Variants in MRPL1 observed in about 807,000 individuals in gnomAD.
MRPL1 encodes the protein large ribosomal subunit protein uL1m.
In MRPL1, 28 loss-of-function variants were observed where a neutral mutation model predicts 38.0. That is an observed-to-expected ratio of 0.74 (90% CI 0.55 to 1.01). The LOEUF is 1.01. Ranked by LOEUF, MRPL1 falls within the 50% of genes least tolerant of loss-of-function variation. MRPL1 has a pLI of 0.00. For missense variants in MRPL1, 358 were observed against 389.8 expected (o/e 0.92, Z 0.69); for synonymous variants, 123 against 126.7 (o/e 0.97, Z 0.20).
Position 77,868,012 on chromosome 4 carries a change from C to G in MRPL1, c.32-3732C>G, listed in dbSNP as rs185561237. On this transcript the variant is annotated intron_variant, in intron 1 of 8. Coordinates refer to ENST00000315567, the MANE Select transcript of MRPL1 (RefSeq NM_020236.4). ...ACCTCGTGATCCGCCCACCTCAGCC[C>G]CCCAAAGTGCTGGGATTACAGACAT... is the stretch of plus-strand genomic sequence containing the variant. Among the ~76,000 whole-genome samples, 3 of 151,634 alleles carry G rather than the reference C, an allele frequency of 2.0e-5. No homozygotes were observed. In the East Asian group the frequency reaches 5.8e-4, roughly 29 times the overall value.
At chr4:77,935,290 T>TA (rs61067824) in intron 7 of MRPL1, among the ~76,000 whole-genome samples, 1,831 of 152,290 alleles carry the variant, frequency 0.012, 21 homozygotes, top group African/African-American at 0.041. Flanking sequence ...AAATGTAACT[T>TA]AAAAAATATA....
At chr4:77,870,687 A>G (rs1239738236) in intron 1 of MRPL1, among the ~76,000 whole-genome samples, 1 of 152,232 alleles carries the variant, frequency 6.6e-6, no homozygotes, top group African/African-American at 2.4e-5. Context: ...AAAAAGATGC[A>G]TAAGGTATTG....
At chr4:77,877,316 G>T (rs116686995) in intron 2 of MRPL1, among the ~76,000 whole-genome samples, 1,795 of 152,292 alleles carry the variant, frequency 0.012, 22 homozygotes, top group African/African-American at 0.04. Context: ...ATCTGTCAGA[G>T]CATTGAGTCA....
At chr4:77,893,400 G>C (rs1056326618) in intron 5 of MRPL1, among the ~76,000 whole-genome samples, 1 of 152,110 alleles carries the variant, frequency 6.6e-6, no homozygotes, top group African/African-American at 2.4e-5. Flanking sequence ...TACAGGTGTG[G>C]AGTTTAAGTG....
intron 5 of MRPL1, among the ~76,000 whole-genome samples, chr4:77,892,550 AAG>A (rs1735830924): frequency 6.6e-6 from 1 of 152,184 alleles, no homozygotes; most frequent in Non-Finnish European, 1.5e-5. Context: ...ACTTGTCTCT[AAG>A]AGCTTGATTT....
chr4:77,915,032 A>G (rs73827456), intron 7 of MRPL1, among the ~76,000 whole-genome samples: 22,933 of 152,072 alleles, frequency 0.15, 1,984 homozygotes, highest in South Asian at 0.25. Context: ...CTGGCTCTTG[A>G]TTTGCTGACT....
chr4:77,914,630 G>A (rs1736379096), intron 7 of MRPL1, among the ~76,000 whole-genome samples: 1 of 151,996 alleles, frequency 6.6e-6, no homozygotes, highest in Non-Finnish European at 1.5e-5. Context: ...ATTTAGAAAT[G>A]ATTTTACAGC....
chr4:77,951,134 T>C (rs187044728), intron 8 of MRPL1, among the ~76,000 whole-genome samples: 253 of 152,334 alleles, frequency 1.7e-3, no homozygotes, highest in Non-Finnish European at 2.9e-3. Flanking sequence ...CCTCCCAAAG[T>C]ACTGGGATTA....
chr4:77,915,201 A>G lies in MRPL1; in HGVS notation c.777+5829A>G, dbSNP rs181551854. Among the ~76,000 whole-genome samples the G allele has an allele frequency of 4.2e-3, 638 of 152,288 alleles. 1 individual carries two copies. The highest frequency in any genetic ancestry group is 6.6e-3 in the Non-Finnish European group (446 of 68,018). On this transcript the variant is annotated intron_variant, in intron 7 of 8. Transcript: ENST00000315567. ...CATTTCTAGTATTGATGTAATACGG[A>G]ATTGATCTTGAGTAGTTTATAGTTT...
intron 6 of MRPL1, among the ~76,000 whole-genome samples, chr4:77,897,856 A>G (rs1735953587): frequency 6.6e-6 from 1 of 152,240 alleles, no homozygotes; most frequent in South Asian, 2.1e-4. Flanking sequence ...AAATTTTTCT[A>G]AATTTCTGCC....
At chr4:77,912,134 A>G (rs1452991594) in intron 7 of MRPL1, among the ~76,000 whole-genome samples, 1 of 152,226 alleles carries the variant, frequency 6.6e-6, no homozygotes, top group Non-Finnish European at 1.5e-5. Flanking sequence ...AGCTGACATC[A>G]TATTTAGTGG....
intron 6 of MRPL1, among the ~76,000 whole-genome samples, chr4:77,900,439 T>G (rs1736007223): frequency 6.6e-6 from 1 of 152,182 alleles, no homozygotes; most frequent in Non-Finnish European, 1.5e-5. Flanking sequence ...AATGAGGGAC[T>G]GCTTTGTAGA....
chr4:77,890,754 T>C (rs547121139), intron 5 of MRPL1, among the ~76,000 whole-genome samples: 3 of 152,224 alleles, frequency 2.0e-5, no homozygotes, highest in Admixed American at 2.0e-4. Context: ...CAGCCCCAAA[T>C]CTCCTTAAGC....
intron 7 of MRPL1, among the ~76,000 whole-genome samples, chr4:77,922,447 G>C (rs1736602035): frequency 6.6e-6 from 1 of 152,194 alleles, no homozygotes; most frequent in African/African-American, 2.4e-5. Context: ...CCTTTGAAGG[G>C]ATTGAGCAGA....
intron 6 of MRPL1, among the ~76,000 whole-genome samples, chr4:77,897,581 C>T (rs181548640): frequency 1.6e-4 from 24 of 152,314 alleles, no homozygotes; most frequent in Middle Eastern, 3.4e-3. Flanking sequence ...GTGCTCCACT[C>T]GATGTCTTGT....
chr4:77,942,576 A>C (rs1488607658), intron 7 of MRPL1, among the ~76,000 whole-genome samples: 1 of 152,036 alleles, frequency 6.6e-6, no homozygotes, highest in African/African-American at 2.4e-5. Flanking sequence ...TAGGATTGTG[A>C]TATTTTCCTG....
rs111792672 is a variant in MRPL1 at position 77,885,353 on chromosome 4, G to A, written c.486+14G>A. 7.8e-5 allele frequency: 124 copies of A among 1,588,336 alleles called. No homozygotes were observed. In the African/African-American group the frequency reaches 1.2e-3, roughly 15 times the overall value. On this transcript the variant is annotated intron_variant, in intron 4 of 8. Transcript: ENST00000315567. ...GTATTTACAGAGGTGAGTAACTTCCGTCAACTATTTATATCATTTAATTTT... is the reference window on the plus strand; with the variant it reads ...GTATTTACAGAGGTGAGTAACTTCCATCAACTATTTATATCATTTAATTTT...
intron 5 of MRPL1, among the ~76,000 whole-genome samples, chr4:77,888,899 C>T (rs945699370): frequency 3.9e-5 from 6 of 151,970 alleles, no homozygotes; most frequent in Non-Finnish European, 8.8e-5. Flanking sequence ...GTGTGATGTT[C>T]CCCACCCTGT....
At chr4:77,929,827 A>G (rs1335507542) in intron 7 of MRPL1, among the ~76,000 whole-genome samples, 1 of 152,170 alleles carries the variant, frequency 6.6e-6, no homozygotes, top group Non-Finnish European at 1.5e-5. Flanking sequence ...CTTAAAGTCT[A>G]AAATGTTTAC....
Sources: allele counts gnomAD v4.1 joint callset (sites outside exome capture counted in the v4.1 genomes callset), GRCh38; gene constraint gnomAD v4.1.1; transcripts MANE v1.5; gene names NCBI Gene and HGNC (gene_info 2026-07-23, HGNC 2026-07-21).